ARHGEF4: variants seen among roughly 807,000 people sequenced by gnomAD.
ARHGEF4 encodes the protein Rho guanine nucleotide exchange factor 4.
A neutral mutation model predicts 162.0 loss-of-function variants in ARHGEF4; 119 were observed. The observed-to-expected ratio is 0.73, with a 90% CI of 0.63 to 0.86. The LOEUF (loss-of-function observed/expected upper bound fraction) is 0.86, where lower values mean the gene tolerates loss of function less well. ARHGEF4 is among the 40% of genes least tolerant of loss of function. ARHGEF4 has a pLI of 0.00. For synonymous variants in ARHGEF4, 1,014 were observed against 979.9 expected (o/e 1.03, Z -0.65); for missense variants, 2,488 against 2,456.0 (o/e 1.01, Z -0.28).
At chr2:130,911,396 C>A (rs1681175748) in intron 1 of ARHGEF4, among the ~76,000 whole-genome samples, 2 of 152,198 alleles carry the variant, frequency 1.3e-5, no homozygotes, top group Admixed American at 1.3e-4. Flanking sequence ...TGAGCCTCCG[C>A]AGAAAGAATA....
intron 1 of ARHGEF4, among the ~76,000 whole-genome samples, chr2:130,874,528 A>G (rs559694921): frequency 5.3e-4 from 81 of 152,212 alleles, no homozygotes; most frequent in Non-Finnish European, 6.5e-4. Flanking sequence ...TACTCTGAGG[A>G]CTCAGCTAGT....
intron 7 of ARHGEF4, 24 bp from the exon 8 acceptor site, chr2:131,040,237 A>T: frequency 6.2e-7 from 1 of 1,609,938 alleles, no homozygotes; most frequent in Non-Finnish European, 8.5e-7. Flanking sequence ...CGGTCGGGGG[A>T]GGCCTAACCA....
intron 1 of ARHGEF4, among the ~76,000 whole-genome samples, chr2:130,873,103 G>A (rs889078823): frequency 6.6e-6 from 1 of 152,224 alleles, no homozygotes; most frequent in Non-Finnish European, 1.5e-5. Context: ...ACAGGCTCTG[G>A]AGCCAAAGTG....
chr2:130,877,265 C>A (rs1408208731), intron 1 of ARHGEF4, among the ~76,000 whole-genome samples: 2 of 152,054 alleles, frequency 1.3e-5, no homozygotes, highest in Non-Finnish European at 2.9e-5. Flanking sequence ...TAAAAAAAAT[C>A]ATTTATTTTA....
chr2:131,029,686 T>TG (rs1689711001), intron 5 of ARHGEF4, among the ~76,000 whole-genome samples: 1 of 152,006 alleles, frequency 6.6e-6, no homozygotes. Context: ...CCCAAGTAGC[T>TG]GGGATTACAG....
In ARHGEF4 at chr2:130,966,899, A is replaced by G. The variant is rs571228346; in HGVS notation, c.3985+20264A>G. Among the ~76,000 whole-genome samples, 3 of 152,306 alleles carry G rather than the reference A, an allele frequency of 2.0e-5. No individual in the cohort carries two copies. In the East Asian group the frequency reaches 5.8e-4, roughly 29 times the overall value. On this transcript the variant is annotated intron_variant, in intron 4 of 13. Transcript: ENST00000409359. ...CCCACTGAGTCGCCATTGATTGCAC[A>G]TTGTGTTTCTGTTTGACTAGTCTAA...
At position 130,847,924 on chromosome 2, in the gene ARHGEF4, G is replaced by A. The variant is rs567256298; in HGVS notation, c.39+10932G>A. 4.0e-3 allele frequency among the ~76,000 whole-genome samples: 603 copies of A among 152,352 alleles called. 2 individuals carry two copies. The highest frequency in any genetic ancestry group is 6.5e-3 in the Non-Finnish European group (443 of 68,036). ...CTGAGAGGCTAGGTCTGAGCCTCAGGAGTGTGTGGGATTGGAGCTGGGCCG... is the reference window on the plus strand; with the variant it reads ...CTGAGAGGCTAGGTCTGAGCCTCAGAAGTGTGTGGGATTGGAGCTGGGCCG... On this transcript the variant is annotated intron_variant, in intron 1 of 13. Transcript: ENST00000409359.
intron 1 of ARHGEF4, among the ~76,000 whole-genome samples, chr2:130,852,202 G>A (rs1681461475): frequency 6.6e-6 from 1 of 152,238 alleles, no homozygotes; most frequent in South Asian, 2.1e-4. Flanking sequence ...GAGCTCATGG[G>A]TCTAGTGGTG....
intron 1 of ARHGEF4, among the ~76,000 whole-genome samples, chr2:130,884,523 T>C (rs1679390132): frequency 1.3e-5 from 2 of 152,076 alleles, no homozygotes; most frequent in South Asian, 4.1e-4. Context: ...CTCTCAACAG[T>C]GGTAGCTGGC....
At chr2:131,005,120 C>T (rs1243095864) in intron 4 of ARHGEF4, among the ~76,000 whole-genome samples, 2 of 152,158 alleles carry the variant, frequency 1.3e-5, no homozygotes, top group African/African-American at 2.4e-5. Context: ...TGCCACCCCT[C>T]GCCTGGGGTT....
chr2:130,929,196 A>T (rs899456013), intron 2 of ARHGEF4, among the ~76,000 whole-genome samples: 4 of 152,224 alleles, frequency 2.6e-5, no homozygotes, highest in Non-Finnish European at 5.9e-5. Flanking sequence ...AGAAATAACT[A>T]GCTGAAAATA....
chr2:130,979,832 C>T (rs1435133874), intron 4 of ARHGEF4, among the ~76,000 whole-genome samples: 3 of 150,334 alleles, frequency 2.0e-5, no homozygotes, highest in Non-Finnish European at 4.4e-5. Context: ...AAAATAGGAT[C>T]ACAAGTTTCT....
chr2:131,013,379 G>A (rs973891673), intron 4 of ARHGEF4, among the ~76,000 whole-genome samples: 2 of 152,144 alleles, frequency 1.3e-5, no homozygotes, highest in African/African-American at 2.4e-5. Flanking sequence ...ACTGGATATC[G>A]AGACCAGCCA....
At chr2:130,983,839 C>T (rs566179529) in intron 4 of ARHGEF4, among the ~76,000 whole-genome samples, 186 of 152,042 alleles carry the variant, frequency 1.2e-3, no homozygotes, top group African/African-American at 3.8e-3. Context: ...TTAGTAGAGA[C>T]GGGGTTTCAC....
chr2:130,879,337 A>G (rs538342712), intron 1 of ARHGEF4, among the ~76,000 whole-genome samples: 2 of 152,302 alleles, frequency 1.3e-5, no homozygotes, highest in African/African-American at 4.8e-5. Flanking sequence ...TAAAAATCAT[A>G]TATATTTATG....
At chr2:130,904,452 G>T (rs948158663) in intron 1 of ARHGEF4, among the ~76,000 whole-genome samples, 3 of 152,132 alleles carry the variant, frequency 2.0e-5, no homozygotes, top group East Asian at 1.9e-4. Context: ...GGCTAGAAGT[G>T]CAGTTCCCCA....
chr2:130,908,272 A>G (rs1230190900), intron 1 of ARHGEF4, among the ~76,000 whole-genome samples: 2 of 152,210 alleles, frequency 1.3e-5, no homozygotes, highest in Admixed American at 1.3e-4. Context: ...CAGTGTATAG[A>G]AATGCTACTG....
At chr2:130,854,846 T>TTTTATTTATTTA (rs58855269) in intron 1 of ARHGEF4, among the ~76,000 whole-genome samples, 2,432 of 140,294 alleles carry the variant, frequency 0.017, 26 homozygotes, top group Middle Eastern at 0.029. Context: ...GGAGTCTGAC[T>TTTTATTTATTTA]TTTATTTATT....
intron 5 of ARHGEF4, among the ~76,000 whole-genome samples, chr2:131,033,845 C>CA (rs1274418443): frequency 6.6e-6 from 1 of 152,158 alleles, no homozygotes; most frequent in Non-Finnish European, 1.5e-5. Flanking sequence ...TGCACACACA[C>CA]ACGGGCACCC....
Sources: gnomAD v4.1 joint callset for allele counts (sites outside exome capture counted in the v4.1 genomes callset) on GRCh38, gnomAD v4.1.1 for gene constraint, MANE v1.5 for transcripts, NCBI Gene and HGNC (gene_info 2026-07-23, HGNC 2026-07-21) for gene names.